Variants in NPTN observed in about 807,000 individuals in gnomAD.
The protein encoded by NPTN is SDR-1.
A neutral mutation model predicts 42.7 loss-of-function variants in NPTN; 5 were observed. The observed-to-expected ratio is 0.12, with a 90% CI of 0.06 to 0.25. The LOEUF is 0.25. NPTN is among the 10% of genes least tolerant of loss of function. NPTN has a pLI of 1.00. For missense variants in NPTN, 307 were observed against 525.4 expected (o/e 0.58, Z 4.06); for synonymous variants, 180 against 201.9 (o/e 0.89, Z 0.92).
intron 4 of NPTN, among the ~76,000 whole-genome samples, chr15:73,587,063 A>T (rs990211211): frequency 2.6e-5 from 4 of 152,214 alleles, no homozygotes; most frequent in Non-Finnish European, 4.4e-5. Flanking sequence ...TCCACTCTGC[A>T]CACTGTACTT....
chr15:73,593,926 A>G (rs2141403495), intron 2 of NPTN, among the ~76,000 whole-genome samples: 1 of 152,306 alleles, frequency 6.6e-6, no homozygotes, highest in South Asian at 2.1e-4. Context: ...CACACTGGAC[A>G]GAAGCCAAAT....
chr15:73,569,578 G>A lies in NPTN; in HGVS notation c.1114+572C>T. On this transcript the variant is annotated intron_variant, in intron 6 of 8. Coordinates refer to ENST00000345330, the MANE Select transcript of NPTN (RefSeq NM_012428.4). The surrounding 1 kb of genome is among the most constrained non-coding windows in gnomAD (Gnocchi z 4.1). ...GAAAGCCACCCAGCAGAGAGCGCTGGAAACCTATCAAAGGGACCAACCAAG... is the reference window on the plus strand; with the variant it reads ...GAAAGCCACCCAGCAGAGAGCGCTGAAAACCTATCAAAGGGACCAACCAAG... 1 of 985,446 alleles carries A rather than the reference G, an allele frequency of 1.0e-6. No homozygotes were observed. The highest frequency in any genetic ancestry group is 1.2e-6 in the Non-Finnish European group (1 of 829,936). 61.0% of individuals were successfully genotyped at this position (985,446 alleles called of 1,614,324 possible).
Position 73,597,483 on chromosome 15 carries a change from A to C in NPTN, c.92-114T>G, listed in dbSNP as rs531152907. 2.5e-5 allele frequency: 19 copies of C among 754,024 alleles called. No individual in the cohort carries two copies. The highest frequency in any genetic ancestry group is 3.8e-5 in the Non-Finnish European group (18 of 470,124). 46.7% of individuals were successfully genotyped at this position (754,024 alleles called of 1,614,324 possible). ...GAAAAGAAAAAAGCAAATGAGTTGC[A>C]AAGAACAAAAAAGGATTCATTTTTA... On this transcript the variant is annotated intron_variant, in intron 1 of 8. Transcript: ENST00000345330. The surrounding 1 kb of genome is among the most constrained non-coding windows in gnomAD (Gnocchi z 6.3).
intron 1 of NPTN, 22 bp downstream of exon 1, chr15:73,633,103 C>A: frequency 7.0e-7 from 1 of 1,432,410 alleles, no homozygotes; most frequent in Non-Finnish European, 9.1e-7. Context: ...CCCGCCCGGC[C>A]CGCCCCCGGC....
At chr15:73,578,838 C>T (rs1895833209) in intron 4 of NPTN, among the ~76,000 whole-genome samples, 2 of 151,742 alleles carry the variant, frequency 1.3e-5, no homozygotes, top group South Asian at 2.1e-4. Context: ...TACAAAAATA[C>T]AAAAATTAGC....
intron 1 of NPTN, among the ~76,000 whole-genome samples, chr15:73,610,860 C>T (rs1897544251): frequency 6.6e-6 from 1 of 152,182 alleles, no homozygotes; most frequent in African/African-American, 2.4e-5. Context: ...AGAGACTCTT[C>T]ACTTCCACAA....
Position 73,569,920 on chromosome 15 carries a change from G to C in NPTN, c.1114+230C>G, listed in dbSNP as rs1895265510. On this transcript the variant is annotated intron_variant, in intron 6 of 8. Coordinates refer to ENST00000345330, the MANE Select transcript of NPTN (RefSeq NM_012428.4). The surrounding 1 kb of genome is among the most constrained non-coding windows in gnomAD (Gnocchi z 4.1). ...TGGAAAACACCCAAACAGAGGGAGAGAGCTAAGGACAGCTCTAGATGGCTA... is the reference window on the plus strand; with the variant it reads ...TGGAAAACACCCAAACAGAGGGAGACAGCTAAGGACAGCTCTAGATGGCTA... 1.8e-6 allele frequency: 1 copy of C among 547,134 alleles called. No homozygotes were observed. The highest frequency in any genetic ancestry group is 2.1e-5 in the African/African-American group (1 of 48,498). The allele number at this position is 547,134 out of a possible 1,614,324, so 33.9% of individuals were successfully genotyped here. A position where few individuals can be genotyped will look rare whatever the true frequency, so the allele number is the denominator to read the frequency against.
chr15:73,600,941 C>T (rs1897058876), intron 1 of NPTN, among the ~76,000 whole-genome samples: 1 of 152,178 alleles, frequency 6.6e-6, no homozygotes, highest in African/African-American at 2.4e-5. Context: ...AGAAGGCTGG[C>T]TTCAGAGAAG....
intron 1 of NPTN, among the ~76,000 whole-genome samples, chr15:73,598,108 TGAGATATTAATA>T (rs1387021822): frequency 3.3e-5 from 5 of 152,024 alleles, no homozygotes; most frequent in Non-Finnish European, 7.4e-5. Flanking sequence ...CACACCACAG[TGAGATATTAATA>T]CTTTGTGGGT....
chr15:73,609,057 G>A (rs935184766), intron 1 of NPTN, among the ~76,000 whole-genome samples: 1 of 152,168 alleles, frequency 6.6e-6, no homozygotes, highest in African/African-American at 2.4e-5. Context: ...AAAAGAAACT[G>A]AGAATGGAAC....
At chr15:73,613,277 T>A (rs1897682677) in intron 1 of NPTN, among the ~76,000 whole-genome samples, 1 of 152,188 alleles carries the variant, frequency 6.6e-6, no homozygotes, top group Non-Finnish European at 1.5e-5. Context: ...CCAAAGCACC[T>A]CCAAAATTCC....
intron 4 of NPTN, among the ~76,000 whole-genome samples, chr15:73,580,355 G>A (rs1013381591): frequency 6.9e-6 from 1 of 144,332 alleles, no homozygotes; most frequent in African/African-American, 2.6e-5. Context: ...TGCACGTTCT[G>A]TACATATATC....
rs573460810 is a variant in NPTN, at chr15:73,599,953, A to G, written c.92-2584T>C. Among the ~76,000 whole-genome samples, 18 of 152,336 alleles carry G rather than the reference A, an allele frequency of 1.2e-4. No individual in the cohort carries two copies. The South Asian group carries it at 3.5e-3, about 30-fold the overall frequency. ...GTACTTCAAAGCAGCCTTAGACTTAAGCCTGTTTATCAATCTGTTGACAAT... is the reference window on the plus strand; with the variant it reads ...GTACTTCAAAGCAGCCTTAGACTTAGGCCTGTTTATCAATCTGTTGACAAT... On this transcript the variant is annotated intron_variant, in intron 1 of 8. Transcript: ENST00000345330.
At chr15:73,628,957 T>C (rs996229045) in intron 1 of NPTN, among the ~76,000 whole-genome samples, 2 of 152,238 alleles carry the variant, frequency 1.3e-5, no homozygotes, top group African/African-American at 2.4e-5. Context: ...AAGTCAGACC[T>C]GTAATGAATT....
chr15:73,590,154 TTAAAG>T (rs1165403377), intron 3 of NPTN, among the ~76,000 whole-genome samples: 1 of 151,878 alleles, frequency 6.6e-6, no homozygotes, highest in African/African-American at 2.4e-5. Context: ...TAGGAAGAAA[TTAAAG>T]CAAAGGGAAA....
intron 1 of NPTN, among the ~76,000 whole-genome samples, chr15:73,600,547 A>G (rs901509197): frequency 2.0e-5 from 3 of 152,244 alleles, no homozygotes; most frequent in Non-Finnish European, 4.4e-5. Context: ...TCACAAGCTA[A>G]TAACAAAGAG....
chr15:73,609,104 C>T (rs762467650), intron 1 of NPTN, among the ~76,000 whole-genome samples: 14 of 152,156 alleles, frequency 9.2e-5, no homozygotes, highest in Admixed American at 2.0e-4. Context: ...AATGATTCAC[C>T]ACTGAATGCA....
rs910806154 is a variant in NPTN, at chr15:73,568,137, T to C, written c.1114+2013A>G. On this transcript the variant is annotated intron_variant, in intron 6 of 8. Coordinates refer to ENST00000345330, the MANE Select transcript of NPTN (RefSeq NM_012428.4). ...AAAAAGAGCTGCTTCCCTGGGCAGG[T>C]GTCTGCACTTATCCAACAGAACAAT... 4.5e-5 allele frequency: 44 copies of C among 985,278 alleles called. No individual in the cohort carries two copies. The African/African-American group carries it at 7.5e-4, about 17-fold the overall frequency. The allele number at this position is 985,278 out of a possible 1,614,324, so 61.0% of individuals were successfully genotyped here.
intron 1 of NPTN, among the ~76,000 whole-genome samples, chr15:73,614,194 C>T (rs570940880): frequency 6.6e-6 from 1 of 151,508 alleles, no homozygotes; most frequent in Admixed American, 6.6e-5. Flanking sequence ...GTGGTCCACA[C>T]CTGTAGTACT....
Sources: gnomAD v4.1 joint callset for allele counts (sites outside exome capture counted in the v4.1 genomes callset) on GRCh38, gnomAD v4.1.1 for gene constraint, Gnocchi (gnomAD v3.1) non-coding constraint, MANE v1.5 for transcripts, NCBI Gene and HGNC (gene_info 2026-07-23, HGNC 2026-07-21) for gene names.